The following TMCC3 variants were observed in gnomAD, a reference collection of about 807,000 sequenced individuals.
The protein encoded by TMCC3 is transmembrane and coiled-coil domain family 3, also known as transmembrane and coiled-coil domain protein 3.
TMCC3 carries 28 observed loss-of-function variants against 40.2 expected under a neutral mutation model. That is an observed-to-expected ratio of 0.70 (90% CI 0.52 to 0.95). The LOEUF is 0.95. TMCC3 is among the 40% of genes least tolerant of loss of function. TMCC3 has a pLI of 0.00. For synonymous variants in TMCC3, 255 were observed against 248.5 expected (o/e 1.03, Z -0.25); for missense variants, 554 against 615.2 (o/e 0.90, Z 1.05).
intron 1 of TMCC3, among the ~76,000 whole-genome samples, chr12:94,636,531 C>T (rs2068961743): frequency 6.6e-6 from 1 of 152,236 alleles, no homozygotes; most frequent in Admixed American, 6.5e-5. Flanking sequence ...GATGGAATTT[C>T]ACTCCTATGG....
intron 1 of TMCC3, among the ~76,000 whole-genome samples, chr12:94,582,982 TTTTTTTTTTTTTAA>T (rs55702911): frequency 0.36 from 27,492 of 75,452 alleles, 2,851 homozygotes; most frequent in African/African-American, 0.46. Context: ...TTTTTTTTTT[TTTTTTTTTTTTTAA>T]AAAAGAAAGA....
Position 94,575,512 on chromosome 12 carries a change from G to A in TMCC3, c.1131+2882C>T, listed in dbSNP as rs528716951. On this transcript the variant is annotated intron_variant, in intron 3 of 3. Coordinates refer to ENST00000261226, the MANE Select transcript of TMCC3 (RefSeq NM_020698.4). Reference sequence around the variant, plus strand: ...GAGGAGGGCCAGGATTCTAACCAACGTGACAGGGAAGACACTCCAGTCATT... The same window carrying A: ...GAGGAGGGCCAGGATTCTAACCAACATGACAGGGAAGACACTCCAGTCATT... Among the ~76,000 whole-genome samples, 50 of 152,284 alleles carry A rather than the reference G, an allele frequency of 3.3e-4. No individual in the cohort carries two copies. The South Asian group carries it at 0.01, about 31-fold the overall frequency.
intron 1 of TMCC3, among the ~76,000 whole-genome samples, chr12:94,597,642 C>T (rs2068726710): frequency 6.6e-6 from 1 of 152,016 alleles, no homozygotes; most frequent in African/African-American, 2.4e-5. Context: ...TCCATCTCTA[C>T]TAAAAATACA....
At position 94,582,230 on chromosome 12, in the gene TMCC3, C is replaced by A. The variant is rs113778882; in HGVS notation, c.387G>T (p.Leu129=). 13 of 1,614,062 alleles carry A rather than the reference C, an allele frequency of 8.1e-6. No homozygotes were observed. In the Admixed American group the frequency reaches 1.3e-4, roughly 17 times the overall value. ...GATGATACTGCTCTAACTTCTTCTG[C>A]AGCTGGGCGATGGAGTGAGCTGATT... ...NQKSAHSIAQ[L]QKKLEQYHRK... The change falls in exon 2 of 4, where the codon CTG becomes CTT. Residue 129 remains leucine (L), a synonymous_variant. Transcript: ENST00000261226.
At chr12:94,582,950 T>C (rs912633978) in intron 1 of TMCC3, among the ~76,000 whole-genome samples, 1 of 147,378 alleles carries the variant, frequency 6.8e-6, no homozygotes, top group Non-Finnish European at 1.5e-5. Flanking sequence ...CTCACTCACT[T>C]AATAGAAGGA....
chr12:94,582,818 C>T (rs926085445), intron 1 of TMCC3, among the ~76,000 whole-genome samples: 1 of 152,024 alleles, frequency 6.6e-6, no homozygotes, highest in Non-Finnish European at 1.5e-5. Context: ...GGGTAGAAAA[C>T]GCAAAATAGA....
chr12:94,642,448 T>C (rs1190062210), intron 1 of TMCC3, among the ~76,000 whole-genome samples: 2 of 152,238 alleles, frequency 1.3e-5, no homozygotes, highest in African/African-American at 4.8e-5. Flanking sequence ...CACCGGGCTA[T>C]GTTTTCTAGT....
At chr12:94,644,551 T>G (rs771573260) in intron 1 of TMCC3, 7 of 357,380 alleles carry the variant, frequency 2.0e-5, no homozygotes, top group African/African-American at 6.6e-5. Context: ...AGGAAAAGCC[T>G]GCAACAAAGT....
rs371125051 is a variant in TMCC3 at position 94,581,838 on chromosome 12, C to A, written c.779G>T (p.Gly260Val). The change falls in exon 2 of 4, where the codon GGC becomes GTC. Residue 260 changes from glycine (G) to valine (V), a missense_variant. Transcript: ENST00000261226. The part of the protein sequence containing the change: ...KYGSDDECSS[G>V]TSGSADSNGN... ...GTTACTGTCGGCCGAGCCTGACGTGCCACTCGAACATTCATCATCACTGCC... is the reference window on the plus strand; with the variant it reads ...GTTACTGTCGGCCGAGCCTGACGTGACACTCGAACATTCATCATCACTGCC... 2 of 1,613,986 alleles carry A rather than the reference C, an allele frequency of 1.2e-6. No individual in the cohort carries two copies. The highest frequency in any genetic ancestry group is 1.7e-5 in the Admixed American group (1 of 60,022).
chr12:94,631,950 G>T (rs1339295718), intron 1 of TMCC3, among the ~76,000 whole-genome samples: 1 of 152,168 alleles, frequency 6.6e-6, no homozygotes, highest in Non-Finnish European at 1.5e-5. Flanking sequence ...ACTCTTAAAA[G>T]TATATTGACA....
At chr12:94,578,222 T>C (rs763648714) in intron 3 of TMCC3, among the ~76,000 whole-genome samples, 172 bp downstream of exon 3, 7 of 146,116 alleles carry the variant, frequency 4.8e-5, no homozygotes, top group Non-Finnish European at 9.0e-5. Context: ...GTAATGTCTA[T>C]AACATGAACT....
intron 1 of TMCC3, among the ~76,000 whole-genome samples, chr12:94,624,051 A>C (rs1423118675): frequency 6.6e-6 from 1 of 152,264 alleles, no homozygotes; most frequent in Non-Finnish European, 1.5e-5. Context: ...CATTAAAAGA[A>C]ATTTTTAAAA....
At chr12:94,607,256 G>T (rs2651960) in intron 1 of TMCC3, among the ~76,000 whole-genome samples, 142,806 of 152,292 alleles carry the variant, frequency 0.94, 67,187 homozygotes, top group African/African-American at 0.98. Flanking sequence ...TCTGTTCTTT[G>T]TCAAGGTGCA....
At position 94,571,513 on chromosome 12, in the gene TMCC3, G is replaced by A. The variant is rs750734723; in HGVS notation, c.1356C>T (p.Ala452=). The A allele has an allele frequency of 3.7e-6, 6 of 1,613,956 alleles. No individual in the cohort carries two copies. Among genetic ancestry groups the A allele is most frequent in the East Asian group, 2.2e-5 (1 of 44,892 alleles). The stretch of plus-strand genomic sequence containing the variant: ...TACAAAATATAGCAAGAAGAGTCAC[G>A]GCAAAGAAGGTGCCAAGAATGTGGC... ...SRCHILGTFF[A]VTLLAIFCKN... is the part of the protein sequence containing the mutation. Residue 452 remains alanine, a synonymous_variant, in exon 4 of 4, where the codon GCC becomes GCT. Transcript: ENST00000261226.
intron 1 of TMCC3, among the ~76,000 whole-genome samples, chr12:94,608,899 C>A (rs1370221557): frequency 2.6e-5 from 4 of 152,194 alleles, no homozygotes; most frequent in Non-Finnish European, 5.9e-5. Context: ...ATTTCTAGTT[C>A]TCACCTCATT....
chr12:94,601,858 C>G (rs1311387269), intron 1 of TMCC3, among the ~76,000 whole-genome samples: 4 of 148,798 alleles, frequency 2.7e-5, no homozygotes, highest in African/African-American at 9.9e-5. Context: ...AGAAAGGGAC[C>G]TGGTGTCTGT....
chr12:94,610,976 A>G (rs924747560), intron 1 of TMCC3, among the ~76,000 whole-genome samples: 1 of 152,214 alleles, frequency 6.6e-6, no homozygotes, highest in Middle Eastern at 3.4e-3. Context: ...TCTTATTTTC[A>G]TATTAAAAAA....
At chr12:94,635,679 T>C (rs1217865327) in intron 1 of TMCC3, among the ~76,000 whole-genome samples, 1 of 146,528 alleles carries the variant, frequency 6.8e-6, no homozygotes, top group Non-Finnish European at 1.5e-5. Context: ...TTTTTTTTTT[T>C]TTTTGAGACG....
At chr12:94,635,944 C>T (rs1445192825) in intron 1 of TMCC3, among the ~76,000 whole-genome samples, 1 of 152,116 alleles carries the variant, frequency 6.6e-6, no homozygotes, top group East Asian at 1.9e-4. Context: ...GCTGGGATTA[C>T]ATGCATAAGC....
Sources: gnomAD v4.1 joint callset for allele counts (sites outside exome capture counted in the v4.1 genomes callset) on GRCh38, gnomAD v4.1.1 for gene constraint, MANE v1.5 for transcripts, NCBI Gene and HGNC (gene_info 2026-07-23, HGNC 2026-07-21) for gene names.